The following ARHGEF38 variants were observed in gnomAD, a reference collection of about 807,000 sequenced individuals.
The protein encoded by ARHGEF38 is Rho guanine nucleotide exchange factor (GEF) 38.
In ARHGEF38, 79 loss-of-function variants were observed where a neutral mutation model predicts 79.9. The ratio of observed to expected loss-of-function variants is 0.99; its 90% CI spans 0.82 to 1.19. ARHGEF38 has a LOEUF of 1.19. ARHGEF38 is among the 50% of genes most tolerant of loss of function. The pLI is 0.00. For synonymous variants in ARHGEF38, 366 were observed against 328.3 expected (o/e 1.11, Z -1.24); for missense variants, 962 against 907.2 (o/e 1.06, Z -0.78).
intron 1 of ARHGEF38, among the ~76,000 whole-genome samples, chr4:105,565,639 A>G (rs1265470928): frequency 1.3e-5 from 2 of 152,096 alleles, no homozygotes; most frequent in African/African-American, 2.4e-5. Flanking sequence ...TGTTGGTCAG[A>G]AGTTCTGAAC....
chr4:105,648,821 T>TCC (rs1729966099), intron 7 of ARHGEF38, 139 bp downstream of exon 7: 3 of 236,576 alleles, frequency 1.3e-5, no homozygotes, highest in Middle Eastern at 4.8e-4. Flanking sequence ...CTTGTCTCCC[T>TCC]CTCTCTCTCT....
chr4:105,662,218 G>A (rs1730589204), intron 10 of ARHGEF38, among the ~76,000 whole-genome samples: 1 of 152,078 alleles, frequency 6.6e-6, no homozygotes, highest in Admixed American at 6.5e-5. Context: ...CTGTGAGTTA[G>A]TTGTTCATGT....
intron 1 of ARHGEF38, among the ~76,000 whole-genome samples, chr4:105,568,107 C>T (rs4518253): frequency 0.97 from 146,161 of 150,588 alleles, 70,937 homozygotes; most frequent in East Asian, 1. Flanking sequence ...ACAAAGGACA[C>T]GAACTCATCA....
chr4:105,672,355 A>C (rs1019374289), intron 13 of ARHGEF38, among the ~76,000 whole-genome samples: 1 of 152,200 alleles, frequency 6.6e-6, no homozygotes, highest in African/African-American at 2.4e-5. Context: ...AGACTGCTAC[A>C]AAAAAGTTCC....
intron 1 of ARHGEF38, among the ~76,000 whole-genome samples, chr4:105,585,486 AG>A (rs1304674507): frequency 9.1e-5 from 9 of 98,844 alleles, no homozygotes; most frequent in African/African-American, 2.4e-4. Flanking sequence ...TGGCTAGAAT[AG>A]TAAAAATTCA....
intron 5 of ARHGEF38, among the ~76,000 whole-genome samples, chr4:105,637,862 A>C (rs557116819): frequency 6.6e-6 from 1 of 152,280 alleles, no homozygotes; most frequent in East Asian, 1.9e-4. Flanking sequence ...TGGCCCTAGC[A>C]CTTGCTGCAA....
At chr4:105,563,372 A>G (rs1725731536) in intron 1 of ARHGEF38, 1 of 152,236 alleles carries the variant, frequency 6.6e-6, no homozygotes, top group Admixed American at 6.5e-5. Flanking sequence ...CAAGGTAATA[A>G]TACTAATTTT....
intron 13 of ARHGEF38, among the ~76,000 whole-genome samples, chr4:105,670,813 T>A (rs2110582630): frequency 6.6e-6 from 1 of 152,324 alleles, no homozygotes; most frequent in African/African-American, 2.4e-5. Context: ...GACAGAAATC[T>A]GAGGGCCAAA....
intron 6 of ARHGEF38, among the ~76,000 whole-genome samples, chr4:105,647,959 G>T (rs989116159): frequency 6.8e-6 from 1 of 146,690 alleles, no homozygotes; most frequent in African/African-American, 2.6e-5. Flanking sequence ...GCATGATCTC[G>T]GCTCACTGCA....
intron 7 of ARHGEF38, among the ~76,000 whole-genome samples, chr4:105,649,214 A>G (rs1729988259): frequency 6.6e-6 from 1 of 152,134 alleles, no homozygotes; most frequent in African/African-American, 2.4e-5. Flanking sequence ...GATGCACATT[A>G]TATTAGTGAG....
chr4:105,571,907 C>G (rs1425918338), intron 1 of ARHGEF38, among the ~76,000 whole-genome samples: 1 of 152,044 alleles, frequency 6.6e-6, no homozygotes, highest in Non-Finnish European at 1.5e-5. Context: ...CATATGGTGC[C>G]TGATAGAAAG....
chr4:105,553,020 G>A lies in ARHGEF38; in HGVS notation c.196+59G>A, dbSNP rs746186537. On this transcript the variant is annotated intron_variant, in intron 1 of 13. Coordinates refer to ENST00000420470, the MANE Select transcript of ARHGEF38 (RefSeq NM_001242729.2). ...GCACTCCCAGCTCCATTTCTGCTAC[G>A]TTTCCAATTGCAAAGAAAACACACA... 166 of 1,354,456 alleles carry A rather than the reference G, an allele frequency of 1.2e-4. 1 individual carries two copies. Among genetic ancestry groups the A allele is most frequent in the Middle Eastern group, 2.4e-4 (1 of 4,098 alleles). The allele number at this position is 1,354,456 out of a possible 1,614,324, so 83.9% of individuals were successfully genotyped here. A position where few individuals can be genotyped will look rare whatever the true frequency, so the allele number is the denominator to read the frequency against.
chr4:105,644,835 T>C (rs1161910802), intron 5 of ARHGEF38, among the ~76,000 whole-genome samples: 2 of 152,178 alleles, frequency 1.3e-5, no homozygotes, highest in African/African-American at 4.8e-5. Flanking sequence ...ATCAGGAAAA[T>C]GCATTTTTCT....
chr4:105,674,759 A>G (rs1731062690), intron 13 of ARHGEF38, among the ~76,000 whole-genome samples: 1 of 152,092 alleles, frequency 6.6e-6, no homozygotes, highest in East Asian at 1.9e-4. Flanking sequence ...CAATTTCATG[A>G]GAATATATTT....
intron 2 of ARHGEF38, among the ~76,000 whole-genome samples, chr4:105,602,622 G>A (rs1489959831): frequency 6.6e-6 from 1 of 152,038 alleles, no homozygotes; most frequent in East Asian, 1.9e-4. Flanking sequence ...TGACCCTAAG[G>A]TCTAGAGTCT....
chr4:105,663,814 A>G (rs986198316), intron 10 of ARHGEF38, among the ~76,000 whole-genome samples: 6 of 152,122 alleles, frequency 3.9e-5, no homozygotes, highest in Non-Finnish European at 8.8e-5. Flanking sequence ...TACTAAAAAT[A>G]CAAAAACTTG....
chr4:105,605,619 T>A (rs1337885194), intron 2 of ARHGEF38, among the ~76,000 whole-genome samples: 1 of 152,152 alleles, frequency 6.6e-6, no homozygotes, highest in Non-Finnish European at 1.5e-5. Context: ...ATTAGCCAGT[T>A]TCAAATCCAG....
chr4:105,596,150 A>G (rs1727567955), intron 2 of ARHGEF38, among the ~76,000 whole-genome samples: 2 of 152,168 alleles, frequency 1.3e-5, no homozygotes, highest in African/African-American at 4.8e-5. Context: ...GGCTGTTTCA[A>G]TGTCAGGATG....
chr4:105,565,137 T>G (rs1234466851), intron 1 of ARHGEF38, among the ~76,000 whole-genome samples: 1 of 152,204 alleles, frequency 6.6e-6, no homozygotes, highest in Non-Finnish European at 1.5e-5. Flanking sequence ...CTACTTTCTA[T>G]GCCAATTAGC....
Sources: allele counts gnomAD v4.1 joint callset (sites outside exome capture counted in the v4.1 genomes callset), GRCh38; gene constraint gnomAD v4.1.1; transcripts MANE v1.5; gene names NCBI Gene and HGNC (gene_info 2026-07-23, HGNC 2026-07-21).